Variants in PDXDC1 observed in about 807,000 individuals in gnomAD.
The protein encoded by PDXDC1 is pyridoxal dependent decarboxylase domain containing 1.
In PDXDC1, 42 loss-of-function variants were observed where a neutral mutation model predicts 100.1. The observed-to-expected ratio is 0.42, with a 90% CI of 0.33 to 0.54. PDXDC1 has a LOEUF of 0.54. Ranked by LOEUF, PDXDC1 falls within the 20% of genes least tolerant of loss-of-function variation. The pLI, the probability that PDXDC1 is intolerant of heterozygous loss-of-function variation, is 0.10. For missense variants in PDXDC1, 636 were observed against 979.2 expected (o/e 0.65, Z 4.68); for synonymous variants, 260 against 371.7 (o/e 0.70, Z 3.46).
intron 16 of PDXDC1, among the ~76,000 whole-genome samples, chr16:15,100,635 G>A (rs1042510574): frequency 6.6e-6 from 1 of 152,172 alleles, no homozygotes; most frequent in African/African-American, 2.4e-5. Flanking sequence ...ATCTCCAGAT[G>A]TTGCCAAATG....
chr16:15,136,149 A>G (rs1313987202), intron 16 of PDXDC1: 2 of 1,308,850 alleles, frequency 1.5e-6, no homozygotes, highest in African/African-American at 1.4e-5. Flanking sequence ...CGGGTGTGGG[A>G]TGCCAGGGGG....
At chr16:14,997,272 C>CA (rs1245568474) in intron 1 of PDXDC1, among the ~76,000 whole-genome samples, 4 of 152,292 alleles carry the variant, frequency 2.6e-5, no homozygotes, top group Non-Finnish European at 5.9e-5. Context: ...CACGGTGGCT[C>CA]ACACCTGCAA....
At chr16:15,144,378 T>C in the PDXDC1 span, among the ~76,000 whole-genome samples, 88 of 152,020 alleles carry the variant, frequency 5.8e-4, no homozygotes, top group African/African-American at 2.0e-3. Flanking sequence ...TTTGGGACGG[T>C]GCTCATTTGA....
At chr16:15,100,424 G>A (rs943394476) in intron 16 of PDXDC1, among the ~76,000 whole-genome samples, 5 of 152,060 alleles carry the variant, frequency 3.3e-5, no homozygotes, top group African/African-American at 9.7e-5. Flanking sequence ...AATTTAGAGC[G>A]TTCCTCATCC....
Position 15,131,662 on chromosome 16 carries a change from C to T in PDXDC1, c.1400-7217C>T, listed in dbSNP as rs1165799308. The T allele has an allele frequency of 4.9e-5, 77 of 1,574,602 alleles. 1 individual carries two copies. The highest frequency in any genetic ancestry group is 2.3e-4 in the Middle Eastern group (1 of 4,398). ...TGGTGACTCGGCTCCCAGCTCTGAG[C>T]GCTGTGGTGCCCGCACGTCTGAGCT... On this transcript the variant is annotated intron_variant, in intron 16 of 16. Transcript: ENST00000535621.
Position 15,031,789 on chromosome 16 carries a change from A to G in PDXDC1, c.1454A>G (p.Lys485Arg), listed in dbSNP as rs376209986. 8.1e-6 allele frequency: 13 copies of G among 1,613,792 alleles called. No homozygotes were observed. Among genetic ancestry groups the G allele is most frequent in the East Asian group, 4.5e-5 (2 of 44,860 alleles). The change falls in exon 17 of 23, where the codon AAA (lysine) becomes AGA (arginine). Residue 485 changes from lysine (K) to arginine (R), a missense_variant. Lys to Arg is a conservative substitution (Grantham distance 26). Transcript: ENST00000396410. ...CAGCTCGTAGCCTGCATAGAAAGCA[A>G]ACTGCCAGTGCTGTGCTGTACGCTC... The part of the protein sequence containing the change: ...VDQLVACIES[K>R]LPVLCCTLQL...
At chr16:15,109,102 G>T in intron 16 of PDXDC1, 1 of 144,164 alleles carries the variant, frequency 6.9e-6, no homozygotes. Context: ...CATGCTACTA[G>T]GCCTCAATTC....
At chr16:15,117,467 G>C (rs1183675802) in intron 16 of PDXDC1, among the ~76,000 whole-genome samples, 2 of 149,902 alleles carry the variant, frequency 1.3e-5, no homozygotes, top group African/African-American at 2.5e-5. Context: ...GACTATCCTG[G>C]CGAACATGGT....
chr16:15,143,803 G>C (rs2048511494), downstream of PDXDC1, among the ~76,000 whole-genome samples: 1 of 152,334 alleles, frequency 6.6e-6, no homozygotes, highest in South Asian at 2.1e-4. Flanking sequence ...CTCACACTCA[G>C]AGCTGAGTGC....
chr16:15,152,069 G>A, the PDXDC1 span, among the ~76,000 whole-genome samples: 3 of 149,214 alleles, frequency 2.0e-5, no homozygotes, highest in Non-Finnish European at 4.5e-5. Context: ...TTCGAGCCAC[G>A]CAGAGCAGCA....
chr16:15,055,775 C>T, intron 16 of PDXDC1: 1 of 516,484 alleles, frequency 1.9e-6, no homozygotes, highest in Non-Finnish European at 2.9e-6. Flanking sequence ...ACGGCCGGGG[C>T]TCCGGATGTG....
chr16:15,025,435 C>G (rs536562414), intron 13 of PDXDC1: 2 of 152,662 alleles, frequency 1.3e-5, no homozygotes, highest in African/African-American at 2.4e-5. Flanking sequence ...CGCCCGCCGC[C>G]GTACCTTTAA....
chr16:15,053,004 T>C (rs927415764), intron 16 of PDXDC1, among the ~76,000 whole-genome samples: 5 of 152,206 alleles, frequency 3.3e-5, no homozygotes, highest in Non-Finnish European at 5.9e-5. Flanking sequence ...AGGAACTTCA[T>C]GCTGGGATGG....
intron 12 of PDXDC1, among the ~76,000 whole-genome samples, chr16:15,020,606 G>A (rs1256075984): frequency 5.3e-5 from 8 of 151,928 alleles, no homozygotes; most frequent in Admixed American, 1.3e-4. Flanking sequence ...GGAGAATGGC[G>A]TGAACCCAGA....
chr16:15,066,380 C>T (rs574181829), intron 16 of PDXDC1, among the ~76,000 whole-genome samples: 1 of 152,272 alleles, frequency 6.6e-6, no homozygotes, highest in Admixed American at 6.5e-5. Context: ...CACCTGTAAT[C>T]CCAGCACTTT....
At chr16:15,124,305 A>G (rs2047583848) in intron 16 of PDXDC1, among the ~76,000 whole-genome samples, 1 of 152,186 alleles carries the variant, frequency 6.6e-6, no homozygotes, top group South Asian at 2.1e-4. Flanking sequence ...AATCACACAG[A>G]GTGTGCCCAA....
downstream of PDXDC1, chr16:15,039,942 C>G: frequency 7.4e-7 from 1 of 1,360,224 alleles, no homozygotes; most frequent in Non-Finnish European, 1.0e-6. Context: ...TTTTTTAACC[C>G]CTTAACAAAG....
chr16:15,130,280 G>C lies in PDXDC1; in HGVS notation c.1400-8599G>C, dbSNP rs751038275. 16 of 1,535,862 alleles carry C rather than the reference G, an allele frequency of 1.0e-5. No individual in the cohort carries two copies. In the South Asian group the frequency reaches 1.4e-4, roughly 14 times the overall value. ...CGGTGAGGTGGCGGGTGAGGCAGAC[G>C]GCCTGGCGGGGCGAGGTCTCCTCCA... On this transcript the variant is annotated intron_variant, in intron 16 of 16. Transcript: ENST00000535621.
chr16:15,133,776 T>C (rs1481902275), intron 16 of PDXDC1: 8 of 1,588,230 alleles, frequency 5.0e-6, no homozygotes, highest in Non-Finnish European at 6.8e-6. Flanking sequence ...CTGCTCCCCC[T>C]AAGCAGGCCT....
Sources: allele counts gnomAD v4.1 joint callset (sites outside exome capture counted in the v4.1 genomes callset), GRCh38; gene constraint gnomAD v4.1.1; transcripts MANE v1.5; gene names NCBI Gene and HGNC (gene_info 2026-07-23, HGNC 2026-07-21).